SPAG17: variants seen among roughly 807,000 people sequenced by gnomAD.
SPAG17 encodes the protein sperm associated antigen 17.
SPAG17 carries 169 observed loss-of-function variants against 273.6 expected under a neutral mutation model. The observed-to-expected ratio is 0.62, with a 90% CI of 0.55 to 0.70. SPAG17 has a LOEUF of 0.70. Ranked by LOEUF, SPAG17 falls within the 30% of genes least tolerant of loss-of-function variation. The pLI is 0.00. For synonymous variants in SPAG17, 825 were observed against 873.2 expected (o/e 0.94, Z 0.97); for missense variants, 2,557 against 2,627.8 (o/e 0.97, Z 0.59).
At chr1:118,009,698 C>A (rs184615463) in intron 30 of SPAG17, among the ~76,000 whole-genome samples, 1 of 152,082 alleles carries the variant, frequency 6.6e-6, no homozygotes, top group African/African-American at 2.4e-5. Flanking sequence ...AAGACTATTA[C>A]TAACCATCAG....
At chr1:118,107,746 GA>G (rs908384739) in intron 4 of SPAG17, among the ~76,000 whole-genome samples, 5 of 151,882 alleles carry the variant, frequency 3.3e-5, no homozygotes, top group East Asian at 3.9e-4. Context: ...TAAAAATTTG[GA>G]AAAAAATATA....
intron 3 of SPAG17, among the ~76,000 whole-genome samples, chr1:118,135,371 ATGTGTGTGTGTGTGTG>A (rs57793942): frequency 2.1e-5 from 3 of 139,928 alleles, no homozygotes; most frequent in African/African-American, 5.3e-5. Flanking sequence ...AGCTCAAGCA[ATGTGTGTGTGTGTGTG>A]TGTGTGTGTG....
At chr1:118,170,762 G>A (rs1221758991) in intron 1 of SPAG17, among the ~76,000 whole-genome samples, 3 of 152,086 alleles carry the variant, frequency 2.0e-5, no homozygotes, top group African/African-American at 2.4e-5. Context: ...TACCCAAAGT[G>A]GAACTTTCTC....
rs114329110 is a variant in SPAG17 at position 118,179,427 on chromosome 1, A to T, written c.87+5644T>A. ...AACTAGACCCCTGTCTCTCTCCATA[A>T]ACAAAAATCAAATCAAAATGGATTG... On this transcript the variant is annotated intron_variant, in intron 1 of 48. Coordinates refer to ENST00000336338, the MANE Select transcript of SPAG17 (RefSeq NM_206996.4). Among the ~76,000 whole-genome samples the T allele has an allele frequency of 4.3e-3, 649 of 152,086 alleles. 7 individuals are homozygous for T. Among genetic ancestry groups the T allele is most frequent in the African/African-American group, 0.015 (622 of 41,548 alleles).
intron 48 of SPAG17, chr1:117,962,908 G>A (rs1426909776): frequency 2.0e-5 from 3 of 152,244 alleles, no homozygotes; most frequent in African/African-American, 4.8e-5. Flanking sequence ...CAGAAAGAGA[G>A]GGAGGTTGTG....
At chr1:118,041,194 C>T (rs1258659103) in intron 21 of SPAG17, among the ~76,000 whole-genome samples, 2 of 152,050 alleles carry the variant, frequency 1.3e-5, no homozygotes, top group African/African-American at 4.8e-5. Flanking sequence ...AGTGGACACT[C>T]CACTTTAGGA....
chr1:118,074,563 G>A lies in SPAG17; in HGVS notation c.2247C>T (p.Val749=), dbSNP rs1363539577. The change falls in exon 16 of 49, where the codon GTC becomes GTT. Residue 749 remains valine, a synonymous_variant. Transcript: ENST00000336338. ...CCTTTTCATGAGAATCAGCCTTTGTGACTGCATCATCTTTGATCTCATTGT... is the reference window on the plus strand; with the variant it reads ...CCTTTTCATGAGAATCAGCCTTTGTAACTGCATCATCTTTGATCTCATTGT... ...TTNNEIKDDA[V]TKADSHEKKP... The A allele has an allele frequency of 6.2e-7, 1 of 1,613,600 alleles. No homozygotes were observed. Among genetic ancestry groups the A allele is most frequent in the Admixed American group, 1.7e-5 (1 of 59,984 alleles).
intron 3 of SPAG17, among the ~76,000 whole-genome samples, chr1:118,125,027 G>C (rs1657634372): frequency 6.6e-6 from 1 of 152,012 alleles, no homozygotes; most frequent in South Asian, 2.1e-4. Flanking sequence ...AGGTTTTTAT[G>C]TTTAAATATT....
chr1:118,033,160 C>T (rs1399474516), intron 24 of SPAG17, among the ~76,000 whole-genome samples: 1 of 152,154 alleles, frequency 6.6e-6, no homozygotes, highest in Non-Finnish European at 1.5e-5. Flanking sequence ...CATCTACATG[C>T]TAATGACTCC....
At chr1:118,075,631 A>G (rs1029298142) in intron 15 of SPAG17, among the ~76,000 whole-genome samples, 1 of 152,188 alleles carries the variant, frequency 6.6e-6, no homozygotes. Flanking sequence ...CTGCTGAACA[A>G]CTGAACAGCC....
intron 1 of SPAG17, among the ~76,000 whole-genome samples, chr1:118,168,875 G>T (rs1286201282): frequency 6.6e-6 from 1 of 152,136 alleles, no homozygotes; most frequent in African/African-American, 2.4e-5. Flanking sequence ...CCAGGAAACT[G>T]CATGGGTATA....
At chr1:118,080,500 T>C (rs907798244) in intron 15 of SPAG17, among the ~76,000 whole-genome samples, 1 of 152,208 alleles carries the variant, frequency 6.6e-6, no homozygotes, top group Non-Finnish European at 1.5e-5. Context: ...GGCCAAGGAA[T>C]TGTGTTCTAT....
intron 19 of SPAG17, among the ~76,000 whole-genome samples, chr1:118,054,649 A>G (rs540809575): frequency 6.6e-6 from 1 of 152,206 alleles, no homozygotes; most frequent in South Asian, 2.1e-4. Flanking sequence ...ACTAATAGGG[A>G]GGTGTGGCCC....
intron 3 of SPAG17, among the ~76,000 whole-genome samples, chr1:118,127,894 T>C (rs1657828998): frequency 6.6e-6 from 1 of 151,988 alleles, no homozygotes; most frequent in African/African-American, 2.4e-5. Flanking sequence ...GAGGCCAAGG[T>C]GGGTGGATCA....
Position 118,111,259 on chromosome 1 carries a change from C to T in SPAG17, c.447+4051G>A, listed in dbSNP as rs1311172149. On this transcript the variant is annotated intron_variant, in intron 4 of 48. Coordinates refer to ENST00000336338, the MANE Select transcript of SPAG17 (RefSeq NM_206996.4). ...AGGACTACTCTATTTTATGGATAAG[C>T]CATCTGGGGGGGTCATTTATTATTT... is the stretch of plus-strand genomic sequence containing the variant. Among the ~76,000 whole-genome samples, 3 of 151,956 alleles carry T rather than the reference C, an allele frequency of 2.0e-5. No homozygotes were observed. The East Asian group carries it at 5.8e-4, about 29-fold the overall frequency.
intron 18 of SPAG17, 36 bp from the exon 19 acceptor site, chr1:118,055,950 T>A: frequency 6.5e-7 from 1 of 1,527,736 alleles, no homozygotes; most frequent in Non-Finnish European, 8.9e-7. Context: ...ATTGAGTTAC[T>A]ATGAAAGTCA....
At chr1:118,050,769 C>T (rs147764466) in intron 20 of SPAG17, among the ~76,000 whole-genome samples, 100 of 152,252 alleles carry the variant, frequency 6.6e-4, no homozygotes, top group African/African-American at 2.2e-3. Flanking sequence ...AAATGTACGT[C>T]CTGAAATTAT....
At chr1:118,091,744 C>T (rs1174982922) in intron 9 of SPAG17, 26 bp from the exon 10 acceptor site, 1 of 1,467,182 alleles carries the variant, frequency 6.8e-7, no homozygotes, top group South Asian at 1.1e-5. Context: ...AATACCATTG[C>T]CCAATTAAGT....
intron 3 of SPAG17, among the ~76,000 whole-genome samples, chr1:118,146,442 C>T (rs1658995606): frequency 6.6e-6 from 1 of 152,188 alleles, no homozygotes; most frequent in Admixed American, 6.5e-5. Context: ...TGAATCTAAA[C>T]CATGTACTTT....
Sources: allele counts gnomAD v4.1 joint callset (sites outside exome capture counted in the v4.1 genomes callset), GRCh38; gene constraint gnomAD v4.1.1; transcripts MANE v1.5; gene names NCBI Gene and HGNC (gene_info 2026-07-23, HGNC 2026-07-21).